ITGA8: variants seen among roughly 807,000 people sequenced by gnomAD.
ITGA8 encodes the protein integrin subunit alpha 8, also known as integrin alpha-8.
A neutral mutation model predicts 142.3 loss-of-function variants in ITGA8; 91 were observed. That is an observed-to-expected ratio of 0.64 (90% CI 0.54 to 0.76). The LOEUF is 0.76. Ranked by LOEUF, ITGA8 falls within the 30% of genes least tolerant of loss-of-function variation. The pLI is 0.00. For synonymous variants in ITGA8, 505 were observed against 485.2 expected, an observed-to-expected ratio of 1.04 and a Z score of -0.54; for missense variants, 1,406 against 1,327.7, an observed-to-expected ratio of 1.06 and a Z score of -0.92.
chr10:15,609,390 C>A (rs1037655216), intron 15 of ITGA8, among the ~76,000 whole-genome samples: 1 of 152,034 alleles, frequency 6.6e-6, no homozygotes, highest in African/African-American at 2.4e-5. Flanking sequence ...AGTAAATAAT[C>A]CCCAATCATA....
intron 25 of ITGA8, among the ~76,000 whole-genome samples, chr10:15,560,280 TA>T (rs966235012): frequency 3.3e-5 from 5 of 151,630 alleles, no homozygotes; most frequent in Admixed American, 2.6e-4. Context: ...GCCCTGCTTC[TA>T]AAAAAAATAA....
intron 13 of ITGA8, among the ~76,000 whole-genome samples, chr10:15,630,060 T>C (rs1249282682): frequency 6.6e-6 from 1 of 152,086 alleles, no homozygotes; most frequent in East Asian, 1.9e-4. Flanking sequence ...TTTTTCTCGA[T>C]TGACACTGGT....
At chr10:15,548,170 C>A (rs1833714567) in intron 27 of ITGA8, among the ~76,000 whole-genome samples, 1 of 151,514 alleles carries the variant, frequency 6.6e-6, no homozygotes, top group South Asian at 2.1e-4. Flanking sequence ...TGGCTCACTG[C>A]AACCTCTATC....
At chr10:15,546,957 A>C (rs1833684401) in intron 27 of ITGA8, among the ~76,000 whole-genome samples, 1 of 152,056 alleles carries the variant, frequency 6.6e-6, no homozygotes, top group African/African-American at 2.4e-5. Context: ...TATTTTAAAA[A>C]CAAAAATAAG....
At chr10:15,665,259 A>G (rs1834365714) in intron 8 of ITGA8, among the ~76,000 whole-genome samples, 1 of 152,156 alleles carries the variant, frequency 6.6e-6, no homozygotes, top group Non-Finnish European at 1.5e-5. Context: ...CATTTCTCTG[A>G]TGGCCAGTGA....
chr10:15,517,042 C>CATTGAAA lies in ITGA8; in HGVS notation c.*115_*116insTTTCAAT. 1.8e-6 allele frequency: 1 copy of CATTGAAA among 564,248 alleles called. No individual in the cohort carries two copies. The allele number at this position is 564,248 out of a possible 1,614,324, so 35.0% of individuals were successfully genotyped here. A position where few individuals can be genotyped will look rare whatever the true frequency, so the allele number is the denominator to read the frequency against. ...TGAGGTGATGTTTCCAGGGTCCCCT[C>CATTGAAA]CATTTCCTGGGTCACTGTCAGGTAT... On this transcript the variant is annotated 3_prime_UTR_variant, in exon 30 of 30. Coordinates refer to ENST00000378076, the MANE Select transcript of ITGA8 (RefSeq NM_003638.3).
intron 2 of ITGA8, among the ~76,000 whole-genome samples, chr10:15,708,767 A>T (rs72781829): frequency 0.16 from 24,770 of 152,142 alleles, 2,152 homozygotes; most frequent in South Asian, 0.21. Context: ...AATATGTTAA[A>T]TAATAAATGT....
intron 28 of ITGA8, among the ~76,000 whole-genome samples, chr10:15,520,971 T>C (rs1833055562): frequency 2.0e-5 from 3 of 152,340 alleles, no homozygotes; most frequent in South Asian, 4.1e-4. Context: ...ACCCTAGCAC[T>C]GAGCCCTAAC....
intron 20 of ITGA8, 57 bp downstream of exon 20, chr10:15,604,151 T>G (rs562011848): frequency 2.6e-6 from 4 of 1,519,042 alleles, no homozygotes; most frequent in Non-Finnish European, 3.6e-6. Context: ...TTCTTAACAT[T>G]TACTTGACTT....
chr10:15,630,930 A>G (rs1036737356), intron 13 of ITGA8, among the ~76,000 whole-genome samples: 2 of 151,892 alleles, frequency 1.3e-5, no homozygotes, highest in Non-Finnish European at 1.5e-5. Flanking sequence ...TGTGATGCTG[A>G]GCTTTTTTTC....
chr10:15,699,077 A>G (rs1287797248), intron 2 of ITGA8, among the ~76,000 whole-genome samples: 1 of 152,192 alleles, frequency 6.6e-6, no homozygotes, highest in African/African-American at 2.4e-5. Context: ...TGAGGTCAGG[A>G]GTTCGAAACG....
intron 26 of ITGA8, among the ~76,000 whole-genome samples, chr10:15,556,902 C>T (rs1833897954): frequency 6.6e-6 from 1 of 152,226 alleles, no homozygotes; most frequent in South Asian, 2.1e-4. Flanking sequence ...CTGATTACTT[C>T]TGCATAGCTG....
intron 2 of ITGA8, among the ~76,000 whole-genome samples, chr10:15,694,216 ACATAT>A (rs1012048680): frequency 2.7e-4 from 38 of 141,422 alleles, no homozygotes; most frequent in Non-Finnish European, 4.4e-4. Flanking sequence ...ATATATGATA[ACATAT>A]CATATATATG....
At chr10:15,690,309 A>C (rs1282234043) in intron 2 of ITGA8, among the ~76,000 whole-genome samples, 1 of 152,124 alleles carries the variant, frequency 6.6e-6, no homozygotes, top group Non-Finnish European at 1.5e-5. Flanking sequence ...CCAGAACCTG[A>C]ATTGCAGCTG....
chr10:15,613,361 C>G (rs1400776106), intron 15 of ITGA8, among the ~76,000 whole-genome samples: 1 of 151,834 alleles, frequency 6.6e-6, no homozygotes, highest in Non-Finnish European at 1.5e-5. Context: ...TGGGAATTTC[C>G]CCAAATGTTT....
At chr10:15,701,126 A>T (rs898089163) in intron 2 of ITGA8, among the ~76,000 whole-genome samples, 1 of 152,176 alleles carries the variant, frequency 6.6e-6, no homozygotes, top group African/African-American at 2.4e-5. Context: ...ATTGTTCAGT[A>T]TGATCCCACT....
intron 2 of ITGA8, among the ~76,000 whole-genome samples, chr10:15,699,092 T>C (rs1835111128): frequency 6.6e-6 from 1 of 152,172 alleles, no homozygotes; most frequent in Non-Finnish European, 1.5e-5. Context: ...GAAACGAGCA[T>C]GGCCAACATG....
At chr10:15,523,545 C>T (rs1833107676) in intron 28 of ITGA8, among the ~76,000 whole-genome samples, 1 of 152,026 alleles carries the variant, frequency 6.6e-6, no homozygotes, top group Non-Finnish European at 1.5e-5. Flanking sequence ...CCTTTCAGTT[C>T]CCAAATTCTG....
intron 24 of ITGA8, among the ~76,000 whole-genome samples, chr10:15,572,753 G>A (rs1034986028): frequency 6.6e-6 from 1 of 152,208 alleles, no homozygotes; most frequent in Non-Finnish European, 1.5e-5. Flanking sequence ...ATCTGCCTCC[G>A]CTTTCTTGAC....
Sources: allele counts gnomAD v4.1 joint callset (sites outside exome capture counted in the v4.1 genomes callset), GRCh38; gene constraint gnomAD v4.1.1; transcripts MANE v1.5; gene names NCBI Gene and HGNC (gene_info 2026-07-23, HGNC 2026-07-21).